The following MYO7A variants were observed in gnomAD, a reference collection of about 807,000 sequenced individuals.
MYO7A encodes the protein unconventional myosin-VIIa.
A neutral mutation model predicts 263.8 loss-of-function variants in MYO7A; 210 were observed. The observed-to-expected ratio is 0.80, with a 90% CI of 0.71 to 0.89. The LOEUF is 0.89. Ranked by LOEUF, MYO7A falls within the 40% of genes least tolerant of loss-of-function variation. MYO7A has a pLI of 0.00. For synonymous variants in MYO7A, 1,239 were observed against 1,197.3 expected, an observed-to-expected ratio of 1.03 and a Z score of -0.72; for missense variants, 2,820 against 2,968.3, an observed-to-expected ratio of 0.95 and a Z score of 1.16.
At chr11:77,130,846 C>T (rs549404074) in intron 2 of MYO7A, among the ~76,000 whole-genome samples, 194 bp downstream of exon 2, 29 of 152,364 alleles carry the variant, frequency 1.9e-4, no homozygotes, top group African/African-American at 6.7e-4. Flanking sequence ...GTTTCCTTCT[C>T]TCACTGGCTC....
intron 17 of MYO7A, 107 bp from the exon 18 acceptor site, chr11:77,175,264 CA>C (rs1954532887): frequency 3.9e-6 from 4 of 1,028,826 alleles, no homozygotes; most frequent in South Asian, 1.5e-5. Context: ...CACTTCGAGT[CA>C]GGGGCAGAGC....
Position 77,189,407 on chromosome 11 carries a change from C to T in MYO7A, c.3567C>T (p.Ala1189=), listed in dbSNP as rs782414897. The T allele has an allele frequency of 6.2e-7, 1 of 1,613,912 alleles. No homozygotes were observed. Among genetic ancestry groups the T allele is most frequent in the Non-Finnish European group, 8.5e-7 (1 of 1,179,892 alleles). The change falls in exon 28 of 49, where the codon GCC becomes GCT. Residue 1189 remains alanine, a synonymous_variant. Transcript: ENST00000409709. ...ACAACCCCTCCAAGAGCAGCTATGC[C>T]CGGGGCTGGATTCTCGTGTCTCTCT... ...LTHNPSKSSY[A]RGWILVSLCV... is the part of the protein sequence containing the mutation.
At chr11:77,184,753 T>C (rs1408084358) in intron 27 of MYO7A, 38 bp downstream of exon 27, 8 of 1,584,466 alleles carry the variant, frequency 5.0e-6, no homozygotes, top group African/African-American at 1.3e-5. Context: ...GGCCTGAAAG[T>C]CTTTTGGTGG....
intron 27 of MYO7A, chr11:77,185,031 A>G: frequency 2.0e-6 from 1 of 503,544 alleles, no homozygotes; most frequent in South Asian, 2.0e-5. Context: ...AGTCATATTT[A>G]TACTATACTA....
rs116285528 is a variant in MYO7A, at chr11:77,172,299, G to A, written c.1798-449G>A. Among the ~76,000 whole-genome samples, 720 of 152,354 alleles carry A rather than the reference G, an allele frequency of 4.7e-3. 7 individuals carry two copies. The highest frequency in any genetic ancestry group is 0.016 in the African/African-American group (680 of 41,580). On this transcript the variant is annotated intron_variant, in intron 15 of 48. Transcript: ENST00000409709. Reference sequence around the variant, plus strand: ...GCCCAAGGGCACACAGCTAGGAAGTGGTGGGCCAGGGCTTGAATCTAGGTT... The same window carrying A: ...GCCCAAGGGCACACAGCTAGGAAGTAGTGGGCCAGGGCTTGAATCTAGGTT...
Position 77,195,790 on chromosome 11 carries a change from T to C in MYO7A, c.4323+1266T>C, listed in dbSNP as rs190419630. On this transcript the variant is annotated intron_variant, in intron 32 of 48. Coordinates refer to ENST00000409709, the MANE Select transcript of MYO7A (RefSeq NM_000260.4). ...GGGTGGGAGGGTGCATTGTTCATTT[T>C]CTAGGTCTGCCATAACAAAGTGCCA... Among the ~76,000 whole-genome samples, 615 of 152,382 alleles carry C rather than the reference T, an allele frequency of 4.0e-3. 1 individual carries two copies. The highest frequency in any genetic ancestry group is 0.014 in the Middle Eastern group (4 of 294).
chr11:77,162,771 CAG>C (rs1491329597), intron 13 of MYO7A, 80 bp from the exon 14 acceptor site: 9 of 1,536,548 alleles, frequency 5.9e-6, no homozygotes, highest in Admixed American at 3.9e-5. Context: ...GAAGAAGAGA[CAG>C]GGGGCAAAGA....
intron 26 of MYO7A, 82 bp downstream of exon 26, chr11:77,183,239 C>A: frequency 2.5e-6 from 3 of 1,210,382 alleles, no homozygotes; most frequent in Non-Finnish European, 3.6e-6. Context: ...GAGCTGGGGG[C>A]CCACGGAAGC....
intron 11 of MYO7A, among the ~76,000 whole-genome samples, chr11:77,160,687 T>C (rs782646665): frequency 2.6e-5 from 4 of 152,074 alleles, no homozygotes; most frequent in Admixed American, 2.6e-4. Context: ...GGGTTGGACA[T>C]AGAGATGAGA....
chr11:77,200,450 AGAGT>A (rs2135688733), intron 35 of MYO7A, among the ~76,000 whole-genome samples: 1 of 152,282 alleles, frequency 6.6e-6, no homozygotes, highest in African/African-American at 2.4e-5. Flanking sequence ...GAGACTATAT[AGAGT>A]GAGAACTCAC....
At chr11:77,212,066 A>G (rs1203750538) in intron 46 of MYO7A, 129 bp downstream of exon 46, 2 of 790,498 alleles carry the variant, frequency 2.5e-6, no homozygotes, top group African/African-American at 1.7e-5. Flanking sequence ...GAAGGAGGGC[A>G]GCACCCTCAG....
intron 14 of MYO7A, 104 bp downstream of exon 14, chr11:77,163,092 T>C: frequency 7.6e-7 from 1 of 1,321,930 alleles, no homozygotes; most frequent in Non-Finnish European, 1.0e-6. Flanking sequence ...TTTTTAAAAA[T>C]TGTGATTATT....
chr11:77,137,546 G>C (rs1160568199), intron 2 of MYO7A, among the ~76,000 whole-genome samples: 1 of 152,172 alleles, frequency 6.6e-6, no homozygotes, highest in Non-Finnish European at 1.5e-5. Flanking sequence ...GGAGTCACAG[G>C]GCCTGGGCCT....
At position 77,211,355 on chromosome 11, in the gene MYO7A, A is replaced by G. The variant is rs764178539; in HGVS notation, c.6237+18A>G. On this transcript the variant is annotated intron_variant, in intron 45 of 48. Coordinates refer to ENST00000409709, the MANE Select transcript of MYO7A (RefSeq NM_000260.4). ...GGAAGCGGGTGAGCATGGGGTGGGC[A>G]TCGGGAATGGTGGGGCCCTGAATGG... 10 of 1,565,170 alleles carry G rather than the reference A, an allele frequency of 6.4e-6. No individual in the cohort carries two copies. In the East Asian group the frequency reaches 1.9e-4, roughly 30 times the overall value.
At position 77,211,809 on chromosome 11, in the gene MYO7A, C is replaced by T; in HGVS notation, c.6238-12C>T. On this transcript the variant is annotated splice_polypyrimidine_tract_variant and intron_variant, in intron 45 of 48. Transcript: ENST00000409709. ...AGGACTGAGCCCAGCCCTGACCGCCCTGTCCCCATAGTCCATCGTCGCCTA... is the reference window on the plus strand; with the variant it reads ...AGGACTGAGCCCAGCCCTGACCGCCTTGTCCCCATAGTCCATCGTCGCCTA... 1 of 1,610,792 alleles carries T rather than the reference C, an allele frequency of 6.2e-7. No individual in the cohort carries two copies. Among genetic ancestry groups the T allele is most frequent in the South Asian group, 1.1e-5 (1 of 91,014 alleles).
chr11:77,185,714 G>A (rs1343657720), intron 27 of MYO7A, among the ~76,000 whole-genome samples: 1 of 152,152 alleles, frequency 6.6e-6, no homozygotes, highest in African/African-American at 2.4e-5. Context: ...TGTTCTGAAT[G>A]GCACTGAGAA....
intron 27 of MYO7A, among the ~76,000 whole-genome samples, chr11:77,188,246 A>G (rs934724605): frequency 1.3e-5 from 2 of 152,202 alleles, no homozygotes; most frequent in Admixed American, 1.3e-4. Context: ...GCAAGGTGGG[A>G]AAAGGAGGGA....
Position 77,160,959 on chromosome 11 carries a change from T to C in MYO7A, c.1201-14T>C. On this transcript the variant is annotated splice_polypyrimidine_tract_variant and intron_variant, in intron 11 of 48. Transcript: ENST00000409709. ...GGGTGTGGCTGGTGCCAGTGGCTGA[T>C]CACTGCCTTTCAGGGGATCTACGGG... 6.3e-7 allele frequency: 1 copy of C among 1,586,936 alleles called. No individual in the cohort carries two copies. Among genetic ancestry groups the C allele is most frequent in the Non-Finnish European group, 8.6e-7 (1 of 1,168,006 alleles).
At chr11:77,160,422 T>C (rs2135281477) in intron 11 of MYO7A, 140 bp downstream of exon 11, 2 of 1,268,888 alleles carry the variant, frequency 1.6e-6, no homozygotes, top group East Asian at 2.6e-5. Context: ...GCAGTCGGCC[T>C]TCCTTGAGTC....
Sources: gnomAD v4.1 joint callset for allele counts (sites outside exome capture counted in the v4.1 genomes callset) on GRCh38, gnomAD v4.1.1 for gene constraint, MANE v1.5 for transcripts, NCBI Gene and HGNC (gene_info 2026-07-23, HGNC 2026-07-21) for gene names.